Variants in SDK1 observed in about 807,000 individuals in gnomAD.
SDK1 encodes the protein protein sidekick-1.
In SDK1, 157 loss-of-function variants were observed where a neutral mutation model predicts 245.5. That is an observed-to-expected ratio of 0.64 (90% CI 0.56 to 0.73). The LOEUF is 0.73. Among genes scored for constraint, SDK1 ranks in the 30% least tolerant of loss-of-function variants. The pLI, the probability that SDK1 is intolerant of heterozygous loss-of-function variation, is 0.00. For synonymous variants in SDK1, 1,647 were observed against 1,278.5 expected (o/e 1.29, Z -6.15); for missense variants, 3,583 against 3,002.3 (o/e 1.19, Z -4.52).
chr7:3,673,966 A>G (rs1003276721), intron 4 of SDK1, among the ~76,000 whole-genome samples: 1 of 152,194 alleles, frequency 6.6e-6, no homozygotes, highest in Non-Finnish European at 1.5e-5. Context: ...AATAAGAGAT[A>G]ATTTCTAATA....
chr7:3,508,691 C>G (rs1208774649), intron 1 of SDK1, among the ~76,000 whole-genome samples: 2 of 152,148 alleles, frequency 1.3e-5, no homozygotes, highest in Non-Finnish European at 2.9e-5. Context: ...TTTCCTGATT[C>G]TTCAAAGTGT....
chr7:3,499,337 C>T (rs1411787721), intron 1 of SDK1, among the ~76,000 whole-genome samples: 1 of 151,988 alleles, frequency 6.6e-6, no homozygotes, highest in Non-Finnish European at 1.5e-5. Context: ...ACTGACCATT[C>T]CTTAATGACT....
At chr7:4,245,907 C>A in intron 44 of SDK1, 102 bp downstream of exon 44, 1 of 1,400,164 alleles carries the variant, frequency 7.1e-7, no homozygotes, top group Non-Finnish European at 9.9e-7. Flanking sequence ...AGTCTCATAA[C>A]ATCCCCACAG....
chr7:3,580,348 A>G (rs1030880673), intron 1 of SDK1, among the ~76,000 whole-genome samples: 2 of 152,210 alleles, frequency 1.3e-5, no homozygotes, highest in African/African-American at 2.4e-5. Context: ...AATCCTAAAC[A>G]AAAAGAGCAA....
chr7:3,962,815 G>A lies in SDK1; in HGVS notation c.1393G>A (p.Gly465Arg), dbSNP rs771065307. Residue 465 changes from glycine to arginine, a missense_variant, in exon 9 of 45, where the codon GGG becomes AGG. Physicochemically the swap from Gly to Arg is moderately radical, Grantham distance 125. Coordinates refer to ENST00000404826, the MANE Select transcript of SDK1 (RefSeq NM_152744.4). ...IFQCFASNEG[G>R]EIQTHTYLDV... ...CCAGTGCTTCGCCAGCAATGAAGGA[G>A]GGGAGATCCAGACCCACACCTACCT... The A allele has an allele frequency of 6.2e-6, 10 of 1,613,492 alleles. No homozygotes were observed. The highest frequency in any genetic ancestry group is 1.1e-5 in the South Asian group (1 of 91,054).
chr7:3,640,919 T>C (rs920593561), intron 3 of SDK1, among the ~76,000 whole-genome samples: 2 of 152,128 alleles, frequency 1.3e-5, no homozygotes, highest in African/African-American at 4.8e-5. Context: ...CCTGACCTCG[T>C]GATCCACCCG....
At chr7:4,247,603 C>A (rs1478226123) in intron 44 of SDK1, among the ~76,000 whole-genome samples, 1 of 152,388 alleles carries the variant, frequency 6.6e-6, no homozygotes, top group East Asian at 1.9e-4. Flanking sequence ...CCTGTCCCTG[C>A]TGCCGCTGCC....
intron 1 of SDK1, among the ~76,000 whole-genome samples, chr7:3,501,420 T>TA (rs1432353381): frequency 1.3e-5 from 2 of 151,924 alleles, no homozygotes; most frequent in Non-Finnish European, 1.5e-5. Context: ...GTAGAACAGT[T>TA]AGGTTCCGAG....
intron 4 of SDK1, among the ~76,000 whole-genome samples, chr7:3,769,666 A>C (rs1259925393): frequency 6.6e-6 from 1 of 152,116 alleles, no homozygotes; most frequent in African/African-American, 2.4e-5. Flanking sequence ...ACATTGATAA[A>C]ATCTACCATG....
At chr7:3,309,261 C>G (rs1779492596) in intron 1 of SDK1, among the ~76,000 whole-genome samples, 1 of 152,002 alleles carries the variant, frequency 6.6e-6, no homozygotes, top group Non-Finnish European at 1.5e-5. Flanking sequence ...TAGGGTATGA[C>G]CAAGCCCTTC....
At chr7:4,074,224 G>A (rs1031477076) in intron 20 of SDK1, among the ~76,000 whole-genome samples, 2 of 152,088 alleles carry the variant, frequency 1.3e-5, no homozygotes, top group African/African-American at 4.8e-5. Context: ...TTGGGGTGGG[G>A]ACAACTGAGG....
chr7:3,910,200 G>A (rs561183213), intron 5 of SDK1, among the ~76,000 whole-genome samples: 1 of 152,296 alleles, frequency 6.6e-6, no homozygotes, highest in East Asian at 1.9e-4. Context: ...TGTTCTCTCT[G>A]TAGTGCACAG....
chr7:3,385,090 G>C (rs2128568117), intron 1 of SDK1, among the ~76,000 whole-genome samples: 1 of 152,252 alleles, frequency 6.6e-6, no homozygotes, highest in East Asian at 1.9e-4. Flanking sequence ...GTCTGTCAGA[G>C]GGAAAAGACC....
intron 1 of SDK1, among the ~76,000 whole-genome samples, chr7:3,399,113 G>A (rs906567095): frequency 6.6e-6 from 1 of 151,944 alleles, no homozygotes; most frequent in African/African-American, 2.4e-5. Context: ...ACTTGGGGAT[G>A]TCCCAGAGGT....
chr7:3,729,825 C>A (rs1026066407), intron 4 of SDK1, among the ~76,000 whole-genome samples: 1 of 151,298 alleles, frequency 6.6e-6, no homozygotes. Context: ...ATTTAAGAAC[C>A]GAGAAAATCC....
chr7:3,898,242 C>T (rs1781669884), intron 5 of SDK1, among the ~76,000 whole-genome samples: 1 of 152,036 alleles, frequency 6.6e-6, no homozygotes, highest in African/African-American at 2.4e-5. Flanking sequence ...ATTGTAGGGC[C>T]GACAGTTGAC....
intron 4 of SDK1, among the ~76,000 whole-genome samples, chr7:3,671,007 A>C (rs1189214340): frequency 6.6e-6 from 1 of 152,178 alleles, no homozygotes; most frequent in African/African-American, 2.4e-5. Flanking sequence ...GATTACAGTT[A>C]AAACAGTTCA....
chr7:4,101,515 A>G (rs965514333), intron 22 of SDK1, among the ~76,000 whole-genome samples: 6 of 152,210 alleles, frequency 3.9e-5, no homozygotes, highest in African/African-American at 1.4e-4. Flanking sequence ...GGGAGCTTCT[A>G]CATCAGGGTC....
chr7:3,969,987 C>T (rs1583673513), intron 11 of SDK1, among the ~76,000 whole-genome samples: 1 of 152,176 alleles, frequency 6.6e-6, no homozygotes, highest in Non-Finnish European at 1.5e-5. Context: ...TCAGCTTTTG[C>T]ACTTTTTAAA....
Sources: allele counts gnomAD v4.1 joint callset (sites outside exome capture counted in the v4.1 genomes callset), GRCh38; gene constraint gnomAD v4.1.1; transcripts MANE v1.5; gene names NCBI Gene and HGNC (gene_info 2026-07-23, HGNC 2026-07-21).